The following SEMA5A variants were observed in gnomAD, a reference collection of about 807,000 sequenced individuals.
SEMA5A encodes semaphorin-5A.
Under a neutral mutation model 135.5 loss-of-function variants are expected in SEMA5A, and 55 were observed. The ratio of observed to expected loss-of-function variants is 0.41; its 90% CI spans 0.33 to 0.51. The LOEUF is 0.51. Among genes scored for constraint, SEMA5A ranks in the 20% least tolerant of loss-of-function variants. SEMA5A has a pLI of 0.37. For synonymous variants in SEMA5A, 580 were observed against 546.5 expected (o/e 1.06, Z -0.85); for missense variants, 1,290 against 1,419.9 (o/e 0.91, Z 1.47).
intron 11 of SEMA5A, among the ~76,000 whole-genome samples, chr5:9,160,391 G>A (rs796731731): frequency 7.2e-5 from 11 of 152,274 alleles, no homozygotes; most frequent in African/African-American, 2.6e-4. Context: ...TAAACCAACT[G>A]TTTAAAGAGA....
chr5:9,202,693 C>G (rs1343039408), intron 8 of SEMA5A, among the ~76,000 whole-genome samples: 2 of 152,096 alleles, frequency 1.3e-5, no homozygotes, highest in African/African-American at 4.8e-5. Context: ...AATTATTTGA[C>G]TTATATACAT....
intron 1 of SEMA5A, chr5:9,523,303 G>A (rs1486863233): frequency 6.6e-6 from 1 of 152,154 alleles, no homozygotes; most frequent in African/African-American, 2.4e-5. Context: ...TGTTAGAGAT[G>A]TAAGCTCCTG....
intron 11 of SEMA5A, among the ~76,000 whole-genome samples, chr5:9,189,229 T>C (rs1744964714): frequency 6.6e-6 from 1 of 152,228 alleles, no homozygotes; most frequent in Non-Finnish European, 1.5e-5. Context: ...CTGCTCACCG[T>C]CACCTTCCTG....
chr5:9,354,520 T>C (rs1184193007), intron 3 of SEMA5A, among the ~76,000 whole-genome samples: 2 of 152,194 alleles, frequency 1.3e-5, no homozygotes, highest in African/African-American at 2.4e-5. Flanking sequence ...TTAATGTTTC[T>C]TCACTAGACC....
chr5:9,118,403 A>G (rs1278915644), intron 15 of SEMA5A, among the ~76,000 whole-genome samples: 1 of 152,216 alleles, frequency 6.6e-6, no homozygotes, highest in Non-Finnish European at 1.5e-5. Context: ...CTAATTCTAC[A>G]CCAAGAAACA....
intron 16 of SEMA5A, among the ~76,000 whole-genome samples, chr5:9,085,263 A>G (rs2150111685): frequency 6.6e-6 from 1 of 152,342 alleles, no homozygotes; most frequent in Middle Eastern, 3.4e-3. Flanking sequence ...TGCATAAGTA[A>G]CAAGGAGCCA....
intron 10 of SEMA5A, among the ~76,000 whole-genome samples, chr5:9,193,514 T>C (rs753243210): frequency 6.6e-5 from 10 of 152,344 alleles, no homozygotes; most frequent in East Asian, 3.9e-4. Context: ...CACTAGTGCA[T>C]GGTGGTCAAG....
chr5:9,060,878 T>G (rs1481514767), intron 18 of SEMA5A, among the ~76,000 whole-genome samples: 5 of 152,204 alleles, frequency 3.3e-5, no homozygotes, highest in Non-Finnish European at 5.9e-5. Flanking sequence ...TTTCTTGATG[T>G]AAGAACTCAG....
intron 11 of SEMA5A, among the ~76,000 whole-genome samples, chr5:9,157,240 C>A (rs1332557795): frequency 6.6e-6 from 1 of 152,186 alleles, no homozygotes; most frequent in East Asian, 1.9e-4. Flanking sequence ...TTGTTCTGAA[C>A]TCCTGCATGC....
intron 1 of SEMA5A, among the ~76,000 whole-genome samples, chr5:9,542,233 C>T (rs781249583): frequency 7.2e-5 from 11 of 152,298 alleles, no homozygotes; most frequent in Non-Finnish European, 1.5e-4. Context: ...CCCCAAGTTG[C>T]TCCCAATCTA....
chr5:9,353,241 A>AAAGGAAAGGAAAGGAAAGGAAGGG (rs1561177451), intron 3 of SEMA5A, among the ~76,000 whole-genome samples: 2 of 95,218 alleles, frequency 2.1e-5, no homozygotes, highest in African/African-American at 4.3e-5. Flanking sequence ...GAAAGGAAGG[A>AAAGGAAAGGAAAGGAAAGGAAGGG]AAGGGAAGGG....
intron 1 of SEMA5A, chr5:9,517,893 C>A (rs1447158968): frequency 6.6e-6 from 1 of 152,130 alleles, no homozygotes; most frequent in Non-Finnish European, 1.5e-5. Flanking sequence ...ATTGTTCTCC[C>A]TTCTGGTCAC....
At chr5:9,184,225 C>T (rs939558170) in intron 11 of SEMA5A, among the ~76,000 whole-genome samples, 2 of 150,908 alleles carry the variant, frequency 1.3e-5, no homozygotes, top group African/African-American at 4.9e-5. Flanking sequence ...TGCAGAGTAT[C>T]CTGAGACCAT....
chr5:9,283,929 T>C (rs960026424), intron 5 of SEMA5A, among the ~76,000 whole-genome samples: 1 of 152,174 alleles, frequency 6.6e-6, no homozygotes, highest in African/African-American at 2.4e-5. Context: ...CCGAGGTACA[T>C]GGACTTAATC....
intron 5 of SEMA5A, among the ~76,000 whole-genome samples, chr5:9,258,803 CTTT>C (rs748703578): frequency 6.5e-3 from 317 of 49,004 alleles, no homozygotes; most frequent in South Asian, 0.017. Context: ...TTCTTTCTTT[CTTT>C]TTTTTTTTTT....
At chr5:9,283,981 A>AATAGATAGATAG (rs112263303) in intron 5 of SEMA5A, among the ~76,000 whole-genome samples, 20 of 152,094 alleles carry the variant, frequency 1.3e-4, no homozygotes, top group African/African-American at 4.8e-4. Context: ...CTTACTAAAA[A>AATAGATAGATAG]ATAGATAGAT....
chr5:9,242,030 T>G (rs1748224514), intron 5 of SEMA5A, among the ~76,000 whole-genome samples: 1 of 152,224 alleles, frequency 6.6e-6, no homozygotes, highest in African/African-American at 2.4e-5. Context: ...AACAACCACC[T>G]GAGGGCTTTC....
intron 13 of SEMA5A, among the ~76,000 whole-genome samples, chr5:9,131,623 A>C (rs1560946149): frequency 1.8e-4 from 3 of 16,250 alleles, no homozygotes; most frequent in African/African-American, 3.1e-4. Flanking sequence ...AAAAAAAAAA[A>C]AAAAAAAAAA....
chr5:9,344,445 T>G (rs1047588125), intron 3 of SEMA5A, among the ~76,000 whole-genome samples: 1 of 152,214 alleles, frequency 6.6e-6, no homozygotes. Flanking sequence ...TTATCAAAAA[T>G]GGTAGTTGTA....
Sources: allele counts gnomAD v4.1 joint callset (sites outside exome capture counted in the v4.1 genomes callset), GRCh38; gene constraint gnomAD v4.1.1; transcripts MANE v1.5; gene names NCBI Gene and HGNC (gene_info 2026-07-23, HGNC 2026-07-21).